Variants in RHOBTB3 observed in about 807,000 individuals in gnomAD.
RHOBTB3 encodes the protein Rho related BTB domain containing 3.
Under a neutral mutation model 67.2 loss-of-function variants are expected in RHOBTB3, and 47 were observed. The observed-to-expected ratio is 0.70, with a 90% CI of 0.55 to 0.89. RHOBTB3 has a LOEUF of 0.89. RHOBTB3 is among the 40% of genes least tolerant of loss of function. The probability of loss-of-function intolerance (pLI) is 0.00; values close to 1 mark genes in which losing one functional copy is unlikely to be tolerated. For synonymous variants in RHOBTB3, 273 were observed against 274.2 expected (o/e 1.00, Z 0.04); for missense variants, 631 against 750.0 (o/e 0.84, Z 1.85).
At position 95,755,825 on chromosome 5, in the gene RHOBTB3, T is replaced by TGACA. The variant is rs2112800390; in HGVS notation, c.1048+65_1048+68dup. 4 of 1,551,000 alleles carry TGACA rather than the reference T, an allele frequency of 2.6e-6. No individual in the cohort carries two copies. In the East Asian group the frequency reaches 9.0e-5, roughly 35 times the overall value. The stretch of plus-strand genomic sequence containing the variant: ...AAGCTTTGGAAATGAAATGTGCCTG[T>TGACA]GACACTCAAGGGTACTGGTTAGTTT... On this transcript the variant is annotated intron_variant, in intron 6 of 11. Coordinates refer to ENST00000379982, the MANE Select transcript of RHOBTB3 (RefSeq NM_014899.4).
chr5:95,766,629 G>A (rs541330330), intron 7 of RHOBTB3, among the ~76,000 whole-genome samples: 6 of 150,822 alleles, frequency 4.0e-5, no homozygotes, highest in Admixed American at 4.0e-4. Flanking sequence ...AGAAAGCAAA[G>A]CAAAGAAAAA....
chr5:95,737,165 T>C, intron 3 of RHOBTB3, 90 bp downstream of exon 3: 1 of 915,274 alleles, frequency 1.1e-6, no homozygotes, highest in Admixed American at 3.2e-5. Context: ...TAATAGGGTT[T>C]GTTTTTGAAA....
intron 2 of RHOBTB3, among the ~76,000 whole-genome samples, chr5:95,734,273 T>C (rs1278880348): frequency 6.6e-6 from 1 of 152,004 alleles, no homozygotes; most frequent in Admixed American, 6.5e-5. Context: ...AATAAAATAG[T>C]TTCACTGTAG....
intron 10 of RHOBTB3, among the ~76,000 whole-genome samples, chr5:95,787,026 T>G (rs1441538326): frequency 6.6e-6 from 1 of 152,230 alleles, no homozygotes; most frequent in Non-Finnish European, 1.5e-5. Context: ...AGCGGAAAGC[T>G]TATTCAGATG....
At chr5:95,733,400 C>T (rs775575170) in intron 2 of RHOBTB3, among the ~76,000 whole-genome samples, 8 of 152,070 alleles carry the variant, frequency 5.3e-5, no homozygotes, top group Non-Finnish European at 1.0e-4. Context: ...AAATGTTTAG[C>T]GAATCGAGTA....
intron 3 of RHOBTB3, among the ~76,000 whole-genome samples, chr5:95,742,487 C>T (rs1755626640): frequency 6.6e-6 from 1 of 152,140 alleles, no homozygotes; most frequent in African/African-American, 2.4e-5. Flanking sequence ...ACCATCCATC[C>T]ATTTTCTCTA....
intron 9 of RHOBTB3, 54 bp from the exon 10 acceptor site, chr5:95,783,743 C>A: frequency 2.7e-6 from 4 of 1,495,680 alleles, no homozygotes; most frequent in East Asian, 4.6e-5. Context: ...GTGTTTAGAT[C>A]ATTAAAGAAA....
intron 11 of RHOBTB3, among the ~76,000 whole-genome samples, chr5:95,791,271 G>A (rs1343013163): frequency 7.2e-5 from 11 of 152,112 alleles, no homozygotes; most frequent in Admixed American, 7.2e-4. Flanking sequence ...TCAGAACCCA[G>A]TTAAATAGGT....
At chr5:95,780,532 T>G (rs1402955308) in intron 9 of RHOBTB3, 107 bp downstream of exon 9, 3 of 946,174 alleles carry the variant, frequency 3.2e-6, no homozygotes, top group African/African-American at 1.6e-5. Flanking sequence ...ATTTATTAGT[T>G]GACATCACGG....
intron 8 of RHOBTB3, among the ~76,000 whole-genome samples, chr5:95,777,504 G>A (rs1195075918): frequency 1.3e-5 from 2 of 152,182 alleles, no homozygotes; most frequent in African/African-American, 4.8e-5. Context: ...GTTTGGCCTT[G>A]ACAGTTTCAA....
intron 3 of RHOBTB3, among the ~76,000 whole-genome samples, chr5:95,745,887 G>C (rs1580402292): frequency 6.6e-6 from 1 of 151,932 alleles, no homozygotes; most frequent in Non-Finnish European, 1.5e-5. Flanking sequence ...TGGAATCTTA[G>C]ATCATATAGC....
intron 9 of RHOBTB3, chr5:95,782,071 A>G (rs925859094): frequency 6.6e-6 from 1 of 152,252 alleles, no homozygotes; most frequent in Non-Finnish European, 1.5e-5. Context: ...AAAATATTAC[A>G]GAGGAAAGCA....
upstream of RHOBTB3, chr5:95,731,141 C>T (rs1356271069): frequency 9.9e-7 from 1 of 1,014,894 alleles, no homozygotes; most frequent in South Asian, 3.5e-5. Flanking sequence ...TATTCCGCGG[C>T]GCCCCGCGCG....
At chr5:95,783,268 C>A (rs1746114741) in intron 9 of RHOBTB3, among the ~76,000 whole-genome samples, 2 of 151,720 alleles carry the variant, frequency 1.3e-5, no homozygotes, top group South Asian at 4.2e-4. Flanking sequence ...ACTACAGGCG[C>A]CCGCCACCAC....
chr5:95,770,028 A>T, intron 8 of RHOBTB3: 1 of 373,748 alleles, frequency 2.7e-6, no homozygotes. Context: ...GGTAGGCCTC[A>T]TAACACAGGA....
intron 10 of RHOBTB3, 70 bp from the exon 11 acceptor site, chr5:95,788,692 C>T (rs1438479860): frequency 2.6e-5 from 26 of 1,008,688 alleles, no homozygotes; most frequent in South Asian, 1.8e-4. Flanking sequence ...GCTCCCAGGC[C>T]GTTCTCTTGA....
intron 8 of RHOBTB3, among the ~76,000 whole-genome samples, chr5:95,772,245 T>G (rs1331388234): frequency 6.6e-6 from 1 of 152,148 alleles, no homozygotes; most frequent in African/African-American, 2.4e-5. Flanking sequence ...ATGAGAGTAG[T>G]GTCTAGTGGT....
At chr5:95,743,895 G>A (rs899920554) in intron 3 of RHOBTB3, among the ~76,000 whole-genome samples, 2 of 151,808 alleles carry the variant, frequency 1.3e-5, no homozygotes, top group Non-Finnish European at 2.9e-5. Context: ...TTTTAGTAGA[G>A]GTGGAGTTTC....
Position 95,755,432 on chromosome 5 carries a change from A to G in RHOBTB3, c.719A>G (p.Tyr240Cys), listed in dbSNP as rs1485651916. 3 of 1,609,394 alleles carry G rather than the reference A, an allele frequency of 1.9e-6. No homozygotes were observed. Among genetic ancestry groups the G allele is most frequent in the Non-Finnish European group, 2.5e-6 (3 of 1,178,350 alleles). The change falls in exon 6 of 12, where the codon TAT becomes TGT. Residue 240 changes from tyrosine to cysteine, a missense_variant. Transcript: ENST00000379982. The part of the protein sequence containing the change: ...MPVLKAEASH[Y>C]NSDLNNLLFC... ...GTCTTAAAGGCTGAAGCGTCACATT[A>G]TAACTCTGACTTAAATAACTTGCTG...
Sources: gnomAD v4.1 joint callset for allele counts (sites outside exome capture counted in the v4.1 genomes callset) on GRCh38, gnomAD v4.1.1 for gene constraint, MANE v1.5 for transcripts, NCBI Gene and HGNC (gene_info 2026-07-23, HGNC 2026-07-21) for gene names.